Variants in ZNF469 observed in about 807,000 individuals in gnomAD.
The protein encoded by ZNF469 is zinc finger protein 469.
ZNF469 carries 1 observed loss-of-function variant against 1.0 expected under a neutral mutation model. That is an observed-to-expected ratio of 1.00 (90% CI 0.35 to 4.73). The LOEUF is 4.73. ZNF469 is among the 30% of genes most tolerant of loss of function. The probability of loss-of-function intolerance (pLI) is 0.16; values close to 1 mark genes in which losing one functional copy is unlikely to be tolerated. For missense variants in ZNF469, 6,100 were observed against 5,356.3 expected (o/e 1.14, Z -4.33); for synonymous variants, 2,703 against 2,363.4 (o/e 1.14, Z -4.17).
chr16:88,361,641 C>T, the ZNF469 span, among the ~76,000 whole-genome samples: 1 of 152,110 alleles, frequency 6.6e-6, no homozygotes, highest in Non-Finnish European at 1.5e-5. Flanking sequence ...TGCTTTCTCC[C>T]AGTCTGTGTC....
chr16:88,264,430 C>T, the ZNF469 span, among the ~76,000 whole-genome samples: 5 of 152,016 alleles, frequency 3.3e-5, no homozygotes, highest in South Asian at 4.2e-4. Flanking sequence ...TGTAGAGATG[C>T]CTCCTCCTGT....
chr16:88,434,891 G>C lies in ZNF469; in HGVS notation c.7421G>C (p.Cys2474Ser). 6.5e-7 allele frequency: 1 copy of C among 1,550,380 alleles called. No individual in the cohort carries two copies. The highest frequency in any genetic ancestry group is 8.7e-7 in the Non-Finnish European group (1 of 1,146,998). Residue 2474 changes from cysteine (C) to serine (S), a missense_variant, in exon 3 of 3, where the codon TGT becomes TCT. By Grantham distance (112) the Cys-to-Ser change is moderately radical (BLOSUM62 -1). Transcript: ENST00000565624. Reference protein sequence around the residue: ...KGQAPHGPVTCEVCAASFRSG... With the variant: ...KGQAPHGPVTSEVCAASFRSG... Reference sequence around the variant, plus strand: ...CAAGCTCCACATGGGCCTGTGACCTGTGAGGTCTGCGCAGCCTCCTTCCGC... The same window carrying C: ...CAAGCTCCACATGGGCCTGTGACCTCTGAGGTCTGCGCAGCCTCCTTCCGC...
At chr16:88,150,377 T>C in the ZNF469 span, among the ~76,000 whole-genome samples, 2 of 152,262 alleles carry the variant, frequency 1.3e-5, no homozygotes, top group African/African-American at 4.8e-5. Context: ...TTAGAGCCAT[T>C]TTCCTCTCTG....
the ZNF469 span, among the ~76,000 whole-genome samples, chr16:88,315,496 C>T: frequency 6.6e-6 from 1 of 152,220 alleles, no homozygotes; most frequent in Non-Finnish European, 1.5e-5. Context: ...TTGTTCTTTG[C>T]AGAGCCCGCT....
At chr16:88,236,609 G>A in the ZNF469 span, among the ~76,000 whole-genome samples, 3 of 152,382 alleles carry the variant, frequency 2.0e-5, no homozygotes, top group South Asian at 6.2e-4. Flanking sequence ...TCTCACGCCT[G>A]TAATCCCAGC....
At chr16:88,116,841 AG>A in the ZNF469 span, among the ~76,000 whole-genome samples, 4 of 151,472 alleles carry the variant, frequency 2.6e-5, no homozygotes, top group Admixed American at 2.6e-4. Flanking sequence ...TAGGGGCCGC[AG>A]GGGGGCAGCT....
chr16:88,158,297 C>G, the ZNF469 span, among the ~76,000 whole-genome samples: 3 of 151,696 alleles, frequency 2.0e-5, no homozygotes, highest in Admixed American at 6.6e-5. Context: ...GTAACAAAGC[C>G]GAGGCTCTGT....
rs553180337 is a variant in ZNF469, at chr16:88,432,336, C to A, written c.4866C>A (p.Phe1622Leu). 3 of 1,548,372 alleles carry A rather than the reference C, an allele frequency of 1.9e-6. No homozygotes were observed. In the South Asian group the frequency reaches 3.6e-5, roughly 18 times the overall value. The change falls in exon 3 of 3, where the codon TTC (phenylalanine) becomes TTA (leucine). Residue 1622 changes from phenylalanine (F) to leucine (L), a missense_variant. Coordinates refer to ENST00000565624, the MANE Select transcript of ZNF469 (RefSeq NM_001367624.2). ...CCACCGTGCCCCACGAGGACACGTT[C>A]TCGGCAGCTGACCTCACGCGCGTTG... Reference protein sequence around the residue: ...CQATVPHEDTFSAADLTRVGE... With the variant: ...CQATVPHEDTLSAADLTRVGE...
Position 88,437,894 on chromosome 16 carries a change from G to T in ZNF469, c.10424G>T (p.Arg3475Leu), listed in dbSNP as rs994815851. 4.5e-6 allele frequency: 7 copies of T among 1,540,422 alleles called. No homozygotes were observed. The highest frequency in any genetic ancestry group is 2.0e-5 in the Admixed American group (1 of 50,822). Residue 3475 changes from arginine (R) to leucine (L), a missense_variant, in exon 3 of 3, where the codon CGC becomes CTC. Physicochemically the swap from Arg to Leu is moderately radical, Grantham distance 102. Transcript: ENST00000565624. ...ALEGTLPSKRRRVAMPGSAPG... is the reference protein window; with the variant it reads ...ALEGTLPSKRLRVAMPGSAPG... ...GAGGGCACACTGCCCAGCAAACGGCGCAGGGTGGCCATGCCCGGCAGTGCC... is the reference window on the plus strand; with the variant it reads ...GAGGGCACACTGCCCAGCAAACGGCTCAGGGTGGCCATGCCCGGCAGTGCC...
chr16:88,185,684 C>A, the ZNF469 span, among the ~76,000 whole-genome samples: 1 of 151,488 alleles, frequency 6.6e-6, no homozygotes. Flanking sequence ...CCCAGACCCA[C>A]AGACACATTC....
At chr16:88,302,381 T>G in the ZNF469 span, 1 of 152,166 alleles carries the variant, frequency 6.6e-6, no homozygotes, top group Non-Finnish European at 1.5e-5. Flanking sequence ...AGTGGATATA[T>G]TTATATTTGG....
chr16:88,366,491 C>G, the ZNF469 span, among the ~76,000 whole-genome samples: 1 of 146,842 alleles, frequency 6.8e-6, no homozygotes, highest in African/African-American at 2.5e-5. Flanking sequence ...ATCATCATCA[C>G]CACCACCATC....
the ZNF469 span, among the ~76,000 whole-genome samples, chr16:88,246,353 A>T: frequency 6.6e-6 from 1 of 152,216 alleles, no homozygotes; most frequent in African/African-American, 2.4e-5. Context: ...TGGCAGAAAC[A>T]GGTGTGATAA....
chr16:88,240,573 A>T, the ZNF469 span, among the ~76,000 whole-genome samples: 1 of 152,180 alleles, frequency 6.6e-6, no homozygotes, highest in Non-Finnish European at 1.5e-5. Flanking sequence ...ACGCAGATGC[A>T]TCAACCAGAG....
At chr16:88,255,990 C>T in the ZNF469 span, among the ~76,000 whole-genome samples, 2 of 152,084 alleles carry the variant, frequency 1.3e-5, no homozygotes, top group African/African-American at 4.8e-5. Flanking sequence ...AGGCTGATTC[C>T]CCTTGGGTTG....
chr16:88,348,899 G>A, the ZNF469 span, among the ~76,000 whole-genome samples: 173 of 152,248 alleles, frequency 1.1e-3, no homozygotes, highest in African/African-American at 3.5e-3. Context: ...GTGTGCCTGC[G>A]TGTGTGTGGT....
the ZNF469 span, among the ~76,000 whole-genome samples, chr16:88,180,127 A>T: frequency 3.7e-4 from 6 of 16,150 alleles, no homozygotes; most frequent in Non-Finnish European, 2.1e-3. Flanking sequence ...TTTCACTTTA[A>T]AAAAAAGTAC....
rs75590225 is a variant in ZNF469, at chr16:88,424,597, C to A, written c.-191-210C>A. Among the ~76,000 whole-genome samples the A allele has an allele frequency of 9.6e-3, 1,467 of 152,236 alleles. 23 individuals are homozygous for A. The highest frequency in any genetic ancestry group is 0.033 in the African/African-American group (1,356 of 41,540). On this transcript the variant is annotated intron_variant, in intron 1 of 2. Transcript: ENST00000565624. The surrounding 1 kb of genome is among the most constrained non-coding windows in gnomAD (Gnocchi z 4.3). ...TGAGGCAGCCAGGTGACCCCTAAAC[C>A]CTTCAGGGTCCCCCGGGCCAGCTGA...
At chr16:88,390,326 G>T (rs1904452193) in intron 1 of ZNF469, among the ~76,000 whole-genome samples, 1 of 152,178 alleles carries the variant, frequency 6.6e-6, no homozygotes, top group South Asian at 2.1e-4. Flanking sequence ...GGGCCCCATG[G>T]CTCCAACCCC....
Sources: gnomAD v4.1 joint callset for allele counts (sites outside exome capture counted in the v4.1 genomes callset) on GRCh38, gnomAD v4.1.1 for gene constraint, Gnocchi (gnomAD v3.1) non-coding constraint, MANE v1.5 for transcripts, NCBI Gene and HGNC (gene_info 2026-07-23, HGNC 2026-07-21) for gene names.